Variants in HDAC10 observed in about 807,000 individuals in gnomAD.
HDAC10 encodes the protein polyamine deacetylase HDAC10.
HDAC10 carries 90 observed loss-of-function variants against 82.3 expected under a neutral mutation model. The observed-to-expected ratio is 1.09, with a 90% CI of 0.92 to 1.30. HDAC10 has a LOEUF of 1.30. Among genes scored for constraint, HDAC10 ranks in the 50% most tolerant of loss-of-function variants. The pLI is 0.00. For missense variants in HDAC10, 934 were observed against 876.3 expected, an observed-to-expected ratio of 1.07 and a Z score of -0.83; for synonymous variants, 456 against 391.7, an observed-to-expected ratio of 1.16 and a Z score of -1.94.
rs142506167 is a variant in HDAC10 at position 50,249,358 on chromosome 22, G to A, written c.660C>T (p.Leu220=). The A allele has an allele frequency of 4.2e-5, 67 of 1,612,234 alleles. No homozygotes were observed. The African/African-American group carries it at 6.1e-4, about 15-fold the overall frequency. The part of the protein sequence containing the change: ...DADAVGRGQG[L]GFTVNLPWNQ... ...TCCAGGGCAGGTTGACAGTGAAGCC[G>A]AGGCCCTGTCCCCGCCCCACTGCGT... The change falls in exon 7 of 20, where the codon CTC becomes CTT. Residue 220 remains leucine, a synonymous_variant. Transcript: ENST00000216271. This position sits in a 1 kb window ranked among gnomAD's most constrained non-coding sequence, Gnocchi z 4.4.
At chr22:50,250,040 C>T (rs1016319244) in intron 4 of HDAC10, 23 bp downstream of exon 4, 14 of 1,611,292 alleles carry the variant, frequency 8.7e-6, no homozygotes, top group Admixed American at 1.7e-5. Flanking sequence ...GGAGGAGCAG[C>T]CAGGGGAAGG....
rs2065016124 is a variant in HDAC10, at chr22:50,248,811, T to C, written c.816+20A>G. On this transcript the variant is annotated intron_variant, in intron 9 of 19. Transcript: ENST00000216271. This position sits in a 1 kb window ranked among gnomAD's most constrained non-coding sequence, Gnocchi z 5.4. ...GCCCCAGGACCCCAGAAGCCCTCCC[T>C]GGCAAGGCAAGGCCCTCACCTCAGG... 1.2e-6 allele frequency: 2 copies of C among 1,608,452 alleles called. No homozygotes were observed. Among genetic ancestry groups the C allele is most frequent in the African/African-American group, 1.3e-5 (1 of 74,834 alleles).
At position 50,249,231 on chromosome 22, in the gene HDAC10, GT is replaced by G. The variant is rs2065027991; in HGVS notation, c.691-64del. On this transcript the variant is annotated intron_variant, in intron 7 of 19. Transcript: ENST00000216271. This position sits in a 1 kb window ranked among gnomAD's most constrained non-coding sequence, Gnocchi z 4.4. ...GCAGGGGAGGGGCCCGGGGGAGGGG[GT>G]GGGTGGGGACCTGGGGCTTGAGGGT... 1.8e-4 allele frequency: 236 copies of G among 1,304,900 alleles called. 1 individual carries two copies. Among genetic ancestry groups the G allele is most frequent in the Admixed American group, 5.5e-4 (27 of 48,924 alleles). 80.8% of individuals were successfully genotyped at this position (1,304,900 alleles called of 1,614,324 possible).
rs201929840 is a variant in HDAC10 at position 50,249,129 on chromosome 22, G to A, written c.730C>T (p.His244Tyr). ...TCAAAGGCCAGTGGGAGCAGCAGGT[G>A]CAGGAAGGCAGCCACGTAGTCAGCG... Reference protein sequence around the residue: ...GNADYVAAFLHLLLPLAFEFD... With the variant: ...GNADYVAAFLYLLLPLAFEFD... The change falls in exon 8 of 20, where the codon CAC (histidine) becomes TAC (tyrosine). Residue 244 changes from histidine to tyrosine, a missense_variant. His to Tyr is a moderately conservative substitution (Grantham distance 83, BLOSUM62 2). Transcript: ENST00000216271. The surrounding 1 kb of genome is among the most constrained non-coding windows in gnomAD (Gnocchi z 4.4). 153 of 1,603,900 alleles carry A rather than the reference G, an allele frequency of 9.5e-5. No homozygotes were observed. Among genetic ancestry groups the A allele is most frequent in the Non-Finnish European group, 1.2e-4 (144 of 1,175,876 alleles).
rs770182355 is a variant in HDAC10 at position 50,249,396 on chromosome 22, C to G, written c.622G>C (p.Glu208Gln). The change falls in exon 7 of 20, where the codon GAG (glutamate) becomes CAG (glutamine). Residue 208 changes from glutamate to glutamine, a missense_variant. Transcript: ENST00000216271. This position sits in a 1 kb window ranked among gnomAD's most constrained non-coding sequence, Gnocchi z 4.4. ...EHGRFWPFLR[E>Q]SDADAVGRGQ... Reference sequence around the variant, plus strand: ...CGCCCCACTGCGTCTGCATCTGACTCTCGCAGGAAAGGCCAGAAGCGCCCA... The same window carrying G: ...CGCCCCACTGCGTCTGCATCTGACTGTCGCAGGAAAGGCCAGAAGCGCCCA... The G allele has an allele frequency of 1.9e-6, 3 of 1,612,706 alleles. No homozygotes were observed. In the South Asian group the frequency reaches 3.3e-5, roughly 18 times the overall value.
In HDAC10 at chr22:50,248,044, G is replaced by A. The variant is rs138377809; in HGVS notation, c.1183C>T (p.Pro395Ser). 8.1e-6 allele frequency: 13 copies of A among 1,611,598 alleles called. No homozygotes were observed. The African/African-American group carries it at 1.3e-4, about 17-fold the overall frequency. ...GPVCKAAASA[P>S]SSLLDQPCLC... ...CACGGCTGGTCCAGGAGGGAGCTCG[G>A]TGCAGATGCAGCTGCCTTACACACT... Residue 395 changes from proline (P) to serine (S), a missense_variant, in exon 13 of 20, where the codon CCG becomes TCG. Transcript: ENST00000216271. This position sits in a 1 kb window ranked among gnomAD's most constrained non-coding sequence, Gnocchi z 5.4.
Position 50,249,793 on chromosome 22 carries a change from T to A in HDAC10, c.494+67A>T. On this transcript the variant is annotated intron_variant, in intron 5 of 19. Coordinates refer to ENST00000216271, the MANE Select transcript of HDAC10 (RefSeq NM_032019.6). The surrounding 1 kb of genome is among the most constrained non-coding windows in gnomAD (Gnocchi z 4.4). ...ATGGGAAGGTGCTGGCTGGGTTCTC[T>A]CGCCTCCTGCGCTGCCCCTTGCTGT... 6.2e-7 allele frequency: 1 copy of A among 1,602,460 alleles called. No homozygotes were observed. Among genetic ancestry groups the A allele is most frequent in the South Asian group, 1.1e-5 (1 of 90,558 alleles).
At position 50,249,528 on chromosome 22, in the gene HDAC10, T is replaced by A; in HGVS notation, c.564-74A>T. 1 of 1,606,070 alleles carries A rather than the reference T, an allele frequency of 6.2e-7. No individual in the cohort carries two copies. The highest frequency in any genetic ancestry group is 8.5e-7 in the Non-Finnish European group (1 of 1,174,990). ...AGCTCTACAGCTCCCTGTAGAACGC[T>A]GACCCCTGAGCACATGTCTGTATCT... On this transcript the variant is annotated intron_variant, in intron 6 of 19. Transcript: ENST00000216271. This position sits in a 1 kb window ranked among gnomAD's most constrained non-coding sequence, Gnocchi z 4.4.
rs1203041511 is a variant in HDAC10 at position 50,250,958 on chromosome 22, G to A, written c.59+16C>T. On this transcript the variant is annotated intron_variant, in intron 1 of 19. Transcript: ENST00000216271. ...AGGTCCCTCCCCGCACCCCACCTCG[G>A]CCAGGTCCCACTTACTCGTCCCAGA... is the stretch of plus-strand genomic sequence containing the variant. 9 of 1,611,870 alleles carry A rather than the reference G, an allele frequency of 5.6e-6. No individual in the cohort carries two copies. Among genetic ancestry groups the A allele is most frequent in the Non-Finnish European group, 7.6e-6 (9 of 1,179,316 alleles).
At chr22:50,245,873 G>C (rs1159972659) in intron 18 of HDAC10, 37 bp downstream of exon 18, 6 of 1,551,838 alleles carry the variant, frequency 3.9e-6, no homozygotes, top group South Asian at 1.2e-5. Context: ...CCTTTCCCTC[G>C]TCCCACCCCG....
Position 50,245,215 on chromosome 22 carries a change from G to A in HDAC10, c.*292C>T, listed in dbSNP as rs1026714775. 1.8e-5 allele frequency: 10 copies of A among 562,556 alleles called. No individual in the cohort carries two copies. The highest frequency in any genetic ancestry group is 9.9e-5 in the Admixed American group (3 of 30,420). The allele number at this position is 562,556 out of a possible 1,614,324, so 34.8% of individuals were successfully genotyped here. A position where few individuals can be genotyped will look rare whatever the true frequency, so the allele number is the denominator to read the frequency against. On this transcript the variant is annotated 3_prime_UTR_variant, in exon 20 of 20. Transcript: ENST00000216271. ...TGAGCGATGTTTACTAACGGCGCAA[G>A]GGCGGGGAGCGAAGCGCAGCGGGGC...
chr22:50,249,282 CA>C lies in HDAC10; in HGVS notation c.690+45del, dbSNP rs567489939. The C allele has an allele frequency of 4.9e-4, 575 of 1,163,370 alleles. 2 individuals are homozygous for C. The African/African-American group carries it at 0.011, about 23-fold the overall frequency. 72.1% of individuals were successfully genotyped at this position (1,163,370 alleles called of 1,614,324 possible). On this transcript the variant is annotated intron_variant, in intron 7 of 19. Transcript: ENST00000216271. The surrounding 1 kb of genome is among the most constrained non-coding windows in gnomAD (Gnocchi z 4.4). Reference sequence around the variant, plus strand: ...TGAACTGTGGGGGAGGGGAGGGGCCCAGGGGGAGGGGGCTGGGTGGGGACCT... The same window carrying C: ...TGAACTGTGGGGGAGGGGAGGGGCCCGGGGGAGGGGGCTGGGTGGGGACCT...
At position 50,250,139 on chromosome 22, in the gene HDAC10, G is replaced by C. The variant is rs779328803; in HGVS notation, c.313C>G (p.Leu105Val). ...FHPSTFHCAR[L>V]AAGAGLQLVD... ...AGCTGCAGTCCAGCCCCTGCGGCCA[G>C]CCGCGCGCAGTGAAAGGTACTCTGT... The change falls in exon 4 of 20, where the codon CTG becomes GTG. Residue 105 changes from leucine (L) to valine (V), a missense_variant. Physicochemically the swap from Leu to Val is conservative, Grantham distance 32. Coordinates refer to ENST00000216271, the MANE Select transcript of HDAC10 (RefSeq NM_032019.6). 1 of 1,612,484 alleles carries C rather than the reference G, an allele frequency of 6.2e-7. No homozygotes were observed.
Position 50,247,901 on chromosome 22 carries a change from T to C in HDAC10, c.1326A>G (p.Glu442=). The C allele has an allele frequency of 6.2e-7, 1 of 1,612,702 alleles. No individual in the cohort carries two copies. The highest frequency in any genetic ancestry group is 2.2e-5 in the East Asian group (1 of 44,880). The change falls in exon 13 of 20, where the codon GAA becomes GAG. Residue 442 remains glutamate, a synonymous_variant. Coordinates refer to ENST00000216271, the MANE Select transcript of HDAC10 (RefSeq NM_032019.6). ...CCAGCCCTGCCCACCTGGCCCAGGC[T>C]TCTGTCTCCTCCCTCAGGGCTGACG... ...QEASALREET[E]AWARPHESLA... is the part of the protein sequence containing the mutation.
chr22:50,250,628 C>T (rs909738333), intron 2 of HDAC10, 105 bp from the exon 3 acceptor site: 19 of 1,323,946 alleles, frequency 1.4e-5, no homozygotes, highest in Middle Eastern at 3.9e-4. Context: ...CCTGTCACTT[C>T]CTCAAGCCTG....
intron 14 of HDAC10, chr22:50,247,474 A>C: frequency 2.1e-6 from 1 of 485,732 alleles, no homozygotes; most frequent in Non-Finnish European, 3.6e-6. Context: ...TCTCTGCCAA[A>C]GAGCATTTAA....
intron 14 of HDAC10, 91 bp downstream of exon 14, chr22:50,247,601 G>T: frequency 2.2e-6 from 2 of 905,670 alleles, no homozygotes; most frequent in Non-Finnish European, 1.7e-6. Context: ...GCACCACCCA[G>T]CCCTCCTCTG....
Position 50,250,967 on chromosome 22 carries a change from C to T in HDAC10, c.59+7G>A. 1 of 1,612,440 alleles carries T rather than the reference C, an allele frequency of 6.2e-7. No individual in the cohort carries two copies. The highest frequency in any genetic ancestry group is 8.5e-7 in the Non-Finnish European group (1 of 1,179,650). On this transcript the variant is annotated splice_region_variant and intron_variant, in intron 1 of 19. Transcript: ENST00000216271. ...CCCGCACCCCACCTCGGCCAGGTCCCACTTACTCGTCCCAGAGCAGCCGGG... is the reference window on the plus strand; with the variant it reads ...CCCGCACCCCACCTCGGCCAGGTCCTACTTACTCGTCCCAGAGCAGCCGGG...
rs779815335 is a variant in HDAC10 at position 50,250,461 on chromosome 22, A to C, written c.257T>G (p.Leu86Arg). 1.9e-6 allele frequency: 3 copies of C among 1,612,968 alleles called. No individual in the cohort carries two copies. The highest frequency in any genetic ancestry group is 8.5e-7 in the Non-Finnish European group (1 of 1,179,974). ...GTAGATGGCGTCGAACTGTCCGGACAGCGCCTGCAGCTCCTCCTTGCCTAG... is the reference window on the plus strand; with the variant it reads ...GTAGATGGCGTCGAACTGTCCGGACCGCGCCTGCAGCTCCTCCTTGCCTAG... Reference protein sequence around the residue: ...QVLGKEELQALSGQFDAIYFH... With the variant: ...QVLGKEELQARSGQFDAIYFH... Residue 86 changes from leucine (L) to arginine (R), a missense_variant, in exon 3 of 20, where the codon CTG (leucine) becomes CGG (arginine). Transcript: ENST00000216271.
Sources: allele counts gnomAD v4.1 joint callset, GRCh38; gene constraint gnomAD v4.1.1; non-coding constraint Gnocchi (gnomAD v3.1); transcripts MANE v1.5; gene names NCBI Gene and HGNC (gene_info 2026-07-23, HGNC 2026-07-21).